Variants in ACAD11 observed in about 807,000 individuals in gnomAD.
ACAD11 encodes the protein acyl-CoA dehydrogenase family member 11.
In ACAD11, 83 loss-of-function variants were observed where a neutral mutation model predicts 102.2. That is an observed-to-expected ratio of 0.81 (90% confidence interval 0.68 to 0.97). The LOEUF is 0.97. Among genes scored for constraint, ACAD11 ranks in the 50% least tolerant of loss-of-function variants. ACAD11 has a pLI of 0.00. For synonymous variants in ACAD11, 324 were observed against 319.8 expected, an observed-to-expected ratio of 1.01 and a Z score of -0.14; for missense variants, 901 against 951.7, an observed-to-expected ratio of 0.95 and a Z score of 0.70.
intron 11 of ACAD11, among the ~76,000 whole-genome samples, chr3:132,612,885 C>T (rs1369335975): frequency 2.0e-5 from 3 of 151,944 alleles, no homozygotes; most frequent in Non-Finnish European, 4.4e-5. Flanking sequence ...GGTATATACC[C>T]AAAGGATTAT....
chr3:132,658,779 T>A (rs1576633535), intron 1 of ACAD11, among the ~76,000 whole-genome samples: 1 of 152,196 alleles, frequency 6.6e-6, no homozygotes, highest in East Asian at 1.9e-4. Context: ...AGTGATAAAA[T>A]ACCACTAGCA....
chr3:132,594,560 C>T (rs1202527072), intron 13 of ACAD11, among the ~76,000 whole-genome samples: 1 of 152,132 alleles, frequency 6.6e-6, no homozygotes, highest in Admixed American at 6.5e-5. Context: ...GAGGATACAG[C>T]AGGGTATAAG....
At chr3:132,585,150 A>T (rs868278240) in intron 13 of ACAD11, among the ~76,000 whole-genome samples, 3 of 152,190 alleles carry the variant, frequency 2.0e-5, no homozygotes, top group Admixed American at 6.5e-5. Context: ...ACAGAGATAT[A>T]GACCAATGGA....
At chr3:132,562,369 C>T (rs1368252798) in intron 17 of ACAD11, among the ~76,000 whole-genome samples, 1 of 152,312 alleles carries the variant, frequency 6.6e-6, no homozygotes, top group East Asian at 1.9e-4. Context: ...TCCCAAAGTG[C>T]TGGGATTACA....
intron 15 of ACAD11, 55 bp from the exon 16 acceptor site, chr3:132,577,070 C>T (rs1290746095): frequency 4.9e-6 from 5 of 1,030,882 alleles, no homozygotes; most frequent in East Asian, 2.5e-5. Context: ...AAAAGAGTCA[C>T]ATATTCTTAA....
chr3:132,564,849 CTATT>C (rs1321716257), intron 17 of ACAD11, among the ~76,000 whole-genome samples: 1 of 152,166 alleles, frequency 6.6e-6, no homozygotes, highest in Non-Finnish European at 1.5e-5. Context: ...AAAAGGCAGA[CTATT>C]TAGGGACTTC....
chr3:132,643,413 G>A (rs559564460), intron 2 of ACAD11, among the ~76,000 whole-genome samples: 15 of 152,260 alleles, frequency 9.9e-5, no homozygotes, highest in African/African-American at 3.4e-4. Flanking sequence ...AAATAAGACA[G>A]TGAGGAAAAA....
chr3:132,644,314 A>G (rs928178459), intron 2 of ACAD11, among the ~76,000 whole-genome samples: 1 of 152,198 alleles, frequency 6.6e-6, no homozygotes, highest in Non-Finnish European at 1.5e-5. Context: ...TTCAACAAAA[A>G]TCTTTTAGAA....
intron 17 of ACAD11, among the ~76,000 whole-genome samples, chr3:132,566,812 C>A (rs1406466077): frequency 6.6e-6 from 1 of 151,998 alleles, no homozygotes; most frequent in East Asian, 1.9e-4. Context: ...AAAGAAGAAA[C>A]CTTGGAAAAT....
At chr3:132,582,177 C>T (rs1053116685) in intron 13 of ACAD11, among the ~76,000 whole-genome samples, 2 of 151,266 alleles carry the variant, frequency 1.3e-5, no homozygotes, top group Non-Finnish European at 3.0e-5. Flanking sequence ...AAGATAAATA[C>T]GTTAAGAAAG....
At chr3:132,585,818 A>G (rs1329566272) in intron 13 of ACAD11, among the ~76,000 whole-genome samples, 24 of 152,052 alleles carry the variant, frequency 1.6e-4, no homozygotes, top group Non-Finnish European at 2.2e-4. Context: ...TTAGAATGGC[A>G]ATCATTAAAA....
At position 132,618,640 on chromosome 3, in the gene ACAD11, C is replaced by A. The variant is rs777866169; in HGVS notation, c.1408G>T (p.Ala470Ser). 8.2e-6 allele frequency: 13 copies of A among 1,589,954 alleles called. No homozygotes were observed. In the African/African-American group the frequency reaches 1.8e-4, roughly 22 times the overall value. The change falls in exon 11 of 20, where the codon GCA becomes TCA. Residue 470 changes from alanine to serine, a missense_variant. Ala to Ser is a moderately conservative substitution (Grantham distance 99). Coordinates refer to ENST00000264990, the MANE Select transcript of ACAD11 (RefSeq NM_032169.5). ...TTTCAATTAATGTAGTAACCTGGTG[C>A]TTGGCAGTTAAAGACATCTGGAGCA... Reference protein sequence around the residue: ...FFAPDVFNCQAPDTGNMEVLH... With the variant: ...FFAPDVFNCQSPDTGNMEVLH...
intron 5 of ACAD11, among the ~76,000 whole-genome samples, chr3:132,634,554 G>A (rs1460421223): frequency 6.6e-6 from 1 of 152,006 alleles, no homozygotes; most frequent in Non-Finnish European, 1.5e-5. Context: ...TCCCATTACT[G>A]GGTATATACC....
At chr3:132,654,279 C>T (rs1021113764) in intron 1 of ACAD11, among the ~76,000 whole-genome samples, 1 of 152,144 alleles carries the variant, frequency 6.6e-6, no homozygotes, top group Non-Finnish European at 1.5e-5. Flanking sequence ...GTGTAAACAT[C>T]CTAGAGTGCA....
chr3:132,638,792 C>T (rs1325600698), intron 5 of ACAD11, among the ~76,000 whole-genome samples: 1 of 152,076 alleles, frequency 6.6e-6, no homozygotes, highest in African/African-American at 2.4e-5. Context: ...AGATAATTAA[C>T]AAGGTTAGAA....
chr3:132,652,556 A>G (rs1940965126), intron 1 of ACAD11, among the ~76,000 whole-genome samples: 2 of 151,844 alleles, frequency 1.3e-5, no homozygotes, highest in Admixed American at 1.3e-4. Context: ...CATCCATGTT[A>G]AATCCATTTT....
At chr3:132,641,783 T>G (rs1211009945) in intron 4 of ACAD11, among the ~76,000 whole-genome samples, 189 bp downstream of exon 4, 1 of 151,986 alleles carries the variant, frequency 6.6e-6, no homozygotes. Context: ...AACAGAAGAT[T>G]TTGCTGAACA....
In ACAD11 at chr3:132,559,846, G is replaced by T. The variant is rs780713021; in HGVS notation, c.2215C>A (p.Pro739Thr). The change falls in exon 19 of 20, where the codon CCT becomes ACT. Residue 739 changes from proline to threonine, a missense_variant. Pro to Thr is a conservative substitution (Grantham distance 38). Coordinates refer to ENST00000264990, the MANE Select transcript of ACAD11 (RefSeq NM_032169.5). The stretch of plus-strand genomic sequence containing the variant: ...ACATCTACTCACATGTTAGCCAGAG[G>T]GTAATCCTGGGAAACACCAGCACCT... ...CGGAGVSQDY[P>T]LANMYAITRV... 3 of 1,612,796 alleles carry T rather than the reference G, an allele frequency of 1.9e-6. No individual in the cohort carries two copies. The African/African-American group carries it at 4.0e-5, about 22-fold the overall frequency.
intron 11 of ACAD11, chr3:132,618,127 T>C (rs1939478894): frequency 6.6e-6 from 1 of 152,282 alleles, no homozygotes; most frequent in Non-Finnish European, 1.5e-5. Context: ...AATTATTATT[T>C]ATTTTTGTAT....
Sources: gnomAD v4.1 joint callset for allele counts (sites outside exome capture counted in the v4.1 genomes callset) on GRCh38, gnomAD v4.1.1 for gene constraint, MANE v1.5 for transcripts, NCBI Gene and HGNC (gene_info 2026-07-23, HGNC 2026-07-21) for gene names.